Variants in TYW1 observed in about 807,000 individuals in gnomAD.
TYW1 encodes the protein tRNA-yW synthesizing protein 1 homolog.
Under a neutral mutation model 96.2 loss-of-function variants are expected in TYW1, and 46 were observed. The ratio of observed to expected loss-of-function variants is 0.48; its 90% CI spans 0.38 to 0.61. The LOEUF is 0.61. Among genes scored for constraint, TYW1 ranks in the 20% least tolerant of loss-of-function variants. TYW1 has a pLI of 0.00. For synonymous variants in TYW1, 274 were observed against 323.0 expected, an observed-to-expected ratio of 0.85 and a Z score of 1.63; for missense variants, 684 against 909.6, an observed-to-expected ratio of 0.75 and a Z score of 3.19.
chr7:67,047,641 CTT>C (rs201219287), intron 7 of TYW1, among the ~76,000 whole-genome samples: 4 of 140,806 alleles, frequency 2.8e-5, no homozygotes, highest in Admixed American at 2.1e-4. Context: ...CTTAATGCGA[CTT>C]TTTTTTTTTT....
At chr7:67,183,054 T>G in intron 13 of TYW1, 72 bp from the exon 14 acceptor site, 2 of 1,367,638 alleles carry the variant, frequency 1.5e-6, no homozygotes, top group Non-Finnish European at 2.0e-6. Flanking sequence ...TTGAAAAAGC[T>G]TGAGAAACCC....
intron 12 of TYW1, among the ~76,000 whole-genome samples, chr7:67,105,786 G>C (rs1475785583): frequency 1.3e-5 from 2 of 151,120 alleles, no homozygotes; most frequent in African/African-American, 4.9e-5. Context: ...AAAAATGGAA[G>C]AAATCATATC....
intron 9 of TYW1, among the ~76,000 whole-genome samples, chr7:67,061,027 A>G (rs1357554151): frequency 6.6e-6 from 1 of 152,172 alleles, no homozygotes; most frequent in Non-Finnish European, 1.5e-5. Flanking sequence ...CAGGAGTTCA[A>G]GACTAGCCTG....
intron 14 of TYW1, among the ~76,000 whole-genome samples, chr7:67,186,265 T>TCTC (rs1345384979): frequency 1.5e-5 from 1 of 68,322 alleles, no homozygotes; most frequent in African/African-American, 6.5e-5. Flanking sequence ...CTTCCTTTCT[T>TCTC]CCCCCCCGCC....
At chr7:67,102,944 C>T (rs1056619657) in intron 12 of TYW1, among the ~76,000 whole-genome samples, 5 of 152,188 alleles carry the variant, frequency 3.3e-5, no homozygotes, top group Admixed American at 1.3e-4. Flanking sequence ...CCATCACGCC[C>T]GGTCACGCTT....
At chr7:67,001,871 A>G (rs1413371193) in intron 3 of TYW1, among the ~76,000 whole-genome samples, 3 of 151,746 alleles carry the variant, frequency 2.0e-5, no homozygotes, top group East Asian at 3.9e-4. Context: ...CATTTCTACT[A>G]AAAATACAAA....
chr7:67,238,131 G>A (rs974913748), intron 15 of TYW1, among the ~76,000 whole-genome samples, 177 bp from the exon 16 acceptor site: 1 of 151,212 alleles, frequency 6.6e-6, no homozygotes, highest in African/African-American at 2.4e-5. Context: ...AGCGCATCTT[G>A]GTTTGATAGG....
intron 4 of TYW1, among the ~76,000 whole-genome samples, chr7:67,010,598 C>T (rs1407023262): frequency 6.6e-6 from 1 of 152,024 alleles, no homozygotes; most frequent in Non-Finnish European, 1.5e-5. Flanking sequence ...GCCTCAGCCT[C>T]CCGAGTAGGT....
chr7:67,002,768 G>A (rs1793445619), intron 3 of TYW1, among the ~76,000 whole-genome samples: 1 of 150,370 alleles, frequency 6.7e-6, no homozygotes, highest in African/African-American at 2.4e-5. Flanking sequence ...GGATTCCTGT[G>A]GGATGTTCTA....
intron 15 of TYW1, among the ~76,000 whole-genome samples, chr7:67,216,700 C>A (rs1161721865): frequency 7.3e-6 from 1 of 137,626 alleles, no homozygotes; most frequent in Non-Finnish European, 1.6e-5. Flanking sequence ...TCTAAGCTAA[C>A]ATGGGCATTT....
intron 10 of TYW1, among the ~76,000 whole-genome samples, chr7:67,073,808 C>T (rs1314321127): frequency 1.7e-4 from 23 of 136,664 alleles, no homozygotes; most frequent in Admixed American, 1.1e-3. Context: ...TATGGCCAGG[C>T]GCGGTTGCTC....
chr7:67,043,092 T>C (rs1795080562), intron 7 of TYW1, among the ~76,000 whole-genome samples: 1 of 151,948 alleles, frequency 6.6e-6, no homozygotes, highest in Admixed American at 6.6e-5. Context: ...ACTATTATCA[T>C]CTGCAATTTA....
intron 12 of TYW1, among the ~76,000 whole-genome samples, chr7:67,104,878 G>T (rs951167894): frequency 2.6e-5 from 4 of 152,216 alleles, no homozygotes; most frequent in African/African-American, 9.6e-5. Flanking sequence ...CTCTTTTGCT[G>T]CAACCACCCA....
At chr7:67,200,153 CAA>C in intron 15 of TYW1, among the ~76,000 whole-genome samples, 1 of 152,140 alleles carries the variant, frequency 6.6e-6, no homozygotes, top group South Asian at 2.1e-4. Flanking sequence ...TGCGCCAGGA[CAA>C]AGGAGAGAAT....
At chr7:67,070,367 T>A (rs1454343672) in intron 10 of TYW1, among the ~76,000 whole-genome samples, 15 of 152,216 alleles carry the variant, frequency 9.9e-5, no homozygotes, top group Non-Finnish European at 2.1e-4. Flanking sequence ...ATGCATATGT[T>A]GGTATGCTTG....
intron 12 of TYW1, among the ~76,000 whole-genome samples, chr7:67,112,120 A>AAAAAAAAAAAAG (rs1424171580): frequency 6.7e-6 from 1 of 148,692 alleles, no homozygotes; most frequent in Non-Finnish European, 1.5e-5. Context: ...AAAAAAAAAA[A>AAAAAAAAAAAAG]AAAGAAAGTG....
intron 15 of TYW1, among the ~76,000 whole-genome samples, chr7:67,202,085 A>G (rs978040259): frequency 6.6e-5 from 10 of 152,178 alleles, no homozygotes; most frequent in African/African-American, 2.4e-4. Flanking sequence ...CCATCCAAAA[A>G]GCAAAACAAG....
At position 66,998,912 on chromosome 7, in the gene TYW1, T is replaced by C; in HGVS notation, c.231T>C (p.Ser77=). The C allele has an allele frequency of 1.2e-6, 2 of 1,614,176 alleles. No homozygotes were observed. The highest frequency in any genetic ancestry group is 1.7e-6 in the Non-Finnish European group (2 of 1,180,022). The change falls in exon 3 of 16, where the codon TCT becomes TCC. Residue 77 remains serine (S), a synonymous_variant. Transcript: ENST00000359626. ...TTCAAGAGAAAGACATCTTTGTGTCTGGAGTGAAGATTTTTTATGGTTCTC... is the reference window on the plus strand; with the variant it reads ...TTCAAGAGAAAGACATCTTTGTGTCCGGAGTGAAGATTTTTTATGGTTCTC... ...VSLQEKDIFV[S]GVKIFYGSQT... is the part of the protein sequence containing the mutation.
intron 13 of TYW1, among the ~76,000 whole-genome samples, chr7:67,139,306 C>A (rs1449190995): frequency 2.0e-5 from 3 of 152,224 alleles, no homozygotes; most frequent in Non-Finnish European, 2.9e-5. Flanking sequence ...GTCACCTTGG[C>A]CTCCCAAAGT....
Sources: allele counts gnomAD v4.1 joint callset (sites outside exome capture counted in the v4.1 genomes callset), GRCh38; gene constraint gnomAD v4.1.1; transcripts MANE v1.5; gene names NCBI Gene and HGNC (gene_info 2026-07-23, HGNC 2026-07-21).